Variants in MBP observed in about 807,000 individuals in gnomAD.
MBP encodes the protein Golli-MBP.
In MBP, 16 loss-of-function variants were observed where a neutral mutation model predicts 35.8. The observed-to-expected ratio is 0.45, with a 90% CI of 0.30 to 0.68. MBP has a LOEUF of 0.68. MBP is among the 30% of genes least tolerant of loss of function. MBP has a pLI of 0.08. For missense variants in MBP, 380 were observed against 404.7 expected (o/e 0.94, Z 0.52); for synonymous variants, 143 against 159.6 (o/e 0.90, Z 0.78).
chr18:77,039,319 G>A (rs548369202), intron 3 of MBP, among the ~76,000 whole-genome samples: 146 of 152,306 alleles, frequency 9.6e-4, no homozygotes, highest in African/African-American at 3.3e-3. Flanking sequence ...CTGCCCTGAT[G>A]GGATAGAGTG....
chr18:77,062,335 A>C (rs1164820113), intron 3 of MBP, among the ~76,000 whole-genome samples: 1 of 152,184 alleles, frequency 6.6e-6, no homozygotes, highest in African/African-American at 2.4e-5. Flanking sequence ...CAGTGTGTGC[A>C]CTACCTGTGG....
At chr18:77,066,500 C>A (rs1016392058) in intron 2 of MBP, 115 bp from the exon 3 acceptor site, 14 of 806,160 alleles carry the variant, frequency 1.7e-5, no homozygotes, top group Non-Finnish European at 2.0e-5. Context: ...AGTTTCACAT[C>A]TGTTTTCAAG....
rs544079861 is a variant in MBP, at chr18:77,077,412, A to C, written c.52-11027T>G. On this transcript the variant is annotated intron_variant, in intron 2 of 8. Transcript: ENST00000355994. ...TCTTTTCTTGATCCTTCTTCTGAAA[A>C]TACTTTCCCCTGCAAACTAGTGTCC... 5.9e-5 allele frequency among the ~76,000 whole-genome samples: 9 copies of C among 152,200 alleles called. No individual in the cohort carries two copies. In the East Asian group the frequency reaches 1.5e-3, roughly 26 times the overall value.
At chr18:77,087,387 TTTTTC>T (rs1443291320) in intron 2 of MBP, 3 of 152,224 alleles carry the variant, frequency 2.0e-5, no homozygotes, top group African/African-American at 7.2e-5. Context: ...CACTCCCATT[TTTTTC>T]TTTTTTTTCT....
intron 2 of MBP, among the ~76,000 whole-genome samples, chr18:77,075,768 C>T (rs969946990): frequency 2.0e-5 from 3 of 152,030 alleles, no homozygotes; most frequent in Admixed American, 2.0e-4. Flanking sequence ...ATGTGCACAC[C>T]GCACTAATGG....
intron 4 of MBP, among the ~76,000 whole-genome samples, chr18:76,991,208 C>T (rs3829623): frequency 0.85 from 128,684 of 151,842 alleles, 56,273 homozygotes; most frequent in Non-Finnish European, 0.95. Context: ...ACTTCCACAT[C>T]TCGAGTAAGA....
Position 76,988,842 on chromosome 18 carries a change from A to T in MBP, c.717+35T>A. Reference sequence around the variant, plus strand: ...GGATTTTAGAGAAGGTCTATCAGAAAAGTGATGATCAATCAAAACATTCCA... The same window carrying T: ...GGATTTTAGAGAAGGTCTATCAGAATAGTGATGATCAATCAAAACATTCCA... On this transcript the variant is annotated intron_variant, in intron 6 of 8. Transcript: ENST00000355994. This position sits in a 1 kb window ranked among gnomAD's most constrained non-coding sequence, Gnocchi z 5.2. 1 of 1,598,900 alleles carries T rather than the reference A, an allele frequency of 6.3e-7. No homozygotes were observed. The highest frequency in any genetic ancestry group is 8.5e-7 in the Non-Finnish European group (1 of 1,169,866).
chr18:76,987,841 A>C, intron 7 of MBP: 1 of 1,038,712 alleles, frequency 9.6e-7, no homozygotes, highest in Non-Finnish European at 1.2e-6. Flanking sequence ...TCAGACACCA[A>C]ATTTTTTCAC....
At chr18:76,982,443 CA>C (rs1355783119) in intron 8 of MBP, 4 of 152,244 alleles carry the variant, frequency 2.6e-5, no homozygotes, top group Non-Finnish European at 4.4e-5. Flanking sequence ...AACTCCACAG[CA>C]ACACTACAGG....
Position 77,090,273 on chromosome 18 carries a change from C to T in MBP, c.51+14938G>A, listed in dbSNP as rs533146616. On this transcript the variant is annotated intron_variant, in intron 2 of 8. Transcript: ENST00000355994. ...CAACTCTAGCAAGCATGAAATTAAA[C>T]GTTACTAAATTAAAATCAGAGACAT... is the stretch of plus-strand genomic sequence containing the variant. Among the ~76,000 whole-genome samples, 9 of 152,312 alleles carry T rather than the reference C, an allele frequency of 5.9e-5. No homozygotes were observed. The South Asian group carries it at 1.2e-3, about 21-fold the overall frequency.
chr18:77,061,100 G>A (rs555149833), intron 3 of MBP, among the ~76,000 whole-genome samples: 3 of 152,190 alleles, frequency 2.0e-5, no homozygotes, highest in South Asian at 4.2e-4. Flanking sequence ...TTCTGTCTGT[G>A]GATCATAGCA....
chr18:77,112,432 C>T (rs955493240), intron 1 of MBP, among the ~76,000 whole-genome samples: 5 of 152,204 alleles, frequency 3.3e-5, no homozygotes, highest in South Asian at 2.1e-4. Flanking sequence ...CTGGGTGCGC[C>T]GGCTTTCCCA....
Position 77,112,112 on chromosome 18 carries a change from G to A in MBP, c.-25-6826C>T, listed in dbSNP as rs199616401. Among the ~76,000 whole-genome samples the A allele has an allele frequency of 1.3e-4, 20 of 151,976 alleles. No homozygotes were observed. The East Asian group carries it at 3.9e-3, about 30-fold the overall frequency. ...ATGATTGTAACACTCTGTGTTCGGA[G>A]CATAGTACACAGCTACCAACGTCAC... is the stretch of plus-strand genomic sequence containing the variant. On this transcript the variant is annotated intron_variant, in intron 1 of 8. Coordinates refer to ENST00000355994, the MANE Select transcript of MBP (RefSeq NM_001025101.2).
chr18:76,996,970 C>T (rs1357897044), intron 4 of MBP, among the ~76,000 whole-genome samples: 1 of 152,210 alleles, frequency 6.6e-6, no homozygotes, highest in African/African-American at 2.4e-5. Flanking sequence ...GATTGGCAGT[C>T]TCAGGTCTCC....
intron 1 of MBP, among the ~76,000 whole-genome samples, chr18:77,116,235 G>A (rs36036469): frequency 0.04 from 6,138 of 152,000 alleles, 199 homozygotes; most frequent in Non-Finnish European, 0.062. Context: ...TCAAGAAAGA[G>A]AATGCAATGT....
At chr18:77,099,034 A>T (rs1975891026) in intron 2 of MBP, among the ~76,000 whole-genome samples, 1 of 146,870 alleles carries the variant, frequency 6.8e-6, no homozygotes, top group Non-Finnish European at 1.5e-5. Context: ...CCTCATCTTT[A>T]TCGACCCCAA....
chr18:77,025,096 C>T (rs957624817), intron 3 of MBP, among the ~76,000 whole-genome samples: 2 of 152,156 alleles, frequency 1.3e-5, no homozygotes, highest in Non-Finnish European at 2.9e-5. Context: ...TGAGACTTAG[C>T]AAAGTTAAGG....
intron 2 of MBP, among the ~76,000 whole-genome samples, chr18:77,091,186 T>C (rs1391041092): frequency 1.5e-5 from 2 of 136,184 alleles, no homozygotes; most frequent in Non-Finnish European, 3.3e-5. Flanking sequence ...CACACACAGC[T>C]AACAATGATC....
At chr18:77,050,456 A>G (rs1448339947) in intron 3 of MBP, among the ~76,000 whole-genome samples, 1 of 122,248 alleles carries the variant, frequency 8.2e-6, no homozygotes. Context: ...GTAGCTTGCC[A>G]CAGTATTAGC....
Sources: allele counts gnomAD v4.1 joint callset (sites outside exome capture counted in the v4.1 genomes callset), GRCh38; gene constraint gnomAD v4.1.1; non-coding constraint Gnocchi (gnomAD v3.1); transcripts MANE v1.5; gene names NCBI Gene and HGNC (gene_info 2026-07-23, HGNC 2026-07-21).